NPLOC4: variants seen among roughly 807,000 people sequenced by gnomAD.
NPLOC4 encodes the protein nuclear protein localization protein 4 homolog.
In NPLOC4, 18 loss-of-function variants were observed where a neutral mutation model predicts 80.6. The observed-to-expected ratio is 0.22, with a 90% CI of 0.15 to 0.33. The LOEUF (loss-of-function observed/expected upper bound fraction) is 0.33. NPLOC4 is among the 10% of genes least tolerant of loss of function. The pLI, the probability that NPLOC4 is intolerant of heterozygous loss-of-function variation, is 1.00. For missense variants in NPLOC4, 540 were observed against 786.1 expected (o/e 0.69, Z 3.74); for synonymous variants, 313 against 301.5 (o/e 1.04, Z -0.39).
intron 4 of NPLOC4, 136 bp downstream of exon 4, chr17:81,613,182 C>G (rs2035389896): frequency 1.6e-6 from 1 of 643,516 alleles, no homozygotes; most frequent in Non-Finnish European, 2.3e-6. Flanking sequence ...GAAGTTTAAT[C>G]TGAAGATAGT....
chr17:81,569,820 T>C (rs761059032), intron 13 of NPLOC4, among the ~76,000 whole-genome samples: 18 of 152,152 alleles, frequency 1.2e-4, no homozygotes, highest in Non-Finnish European at 2.1e-4. Context: ...ACCTAAGATA[T>C]AATCAATAGA....
chr17:81,610,122 G>A (rs2035303914), intron 5 of NPLOC4, 88 bp downstream of exon 5: 2 of 1,212,404 alleles, frequency 1.6e-6, no homozygotes, highest in African/African-American at 1.5e-5. Context: ...CTACAGCCAA[G>A]TGCGTGGACT....
At chr17:81,589,845 T>C (rs1466319293) in intron 11 of NPLOC4, among the ~76,000 whole-genome samples, 4 of 124,656 alleles carry the variant, frequency 3.2e-5, no homozygotes, top group South Asian at 5.0e-4. Flanking sequence ...AATAAATCAA[T>C]CAATCAAAAA....
At chr17:81,622,374 A>G in intron 2 of NPLOC4, 96 bp from the exon 3 acceptor site, 5 of 932,876 alleles carry the variant, frequency 5.4e-6, no homozygotes, top group South Asian at 1.4e-5. Flanking sequence ...GTATTCACCA[A>G]ATTTGGAAAG....
chr17:81,571,516 C>T (rs1336275963), intron 13 of NPLOC4, among the ~76,000 whole-genome samples: 1 of 152,202 alleles, frequency 6.6e-6, no homozygotes, highest in Non-Finnish European at 1.5e-5. Context: ...ACAGGTGTGT[C>T]CCCTGGGGAC....
chr17:81,623,282 C>A (rs765447643), intron 2 of NPLOC4, among the ~76,000 whole-genome samples: 1 of 145,396 alleles, frequency 6.9e-6, no homozygotes, highest in African/African-American at 2.6e-5. Flanking sequence ...CCAGCCTGGT[C>A]AACATAGTGA....
At chr17:81,623,520 C>T (rs1304684606) in intron 2 of NPLOC4, among the ~76,000 whole-genome samples, 2 of 150,354 alleles carry the variant, frequency 1.3e-5, no homozygotes, top group Non-Finnish European at 2.9e-5. Flanking sequence ...AAAACCCGGC[C>T]GGGCGCGGTG....
chr17:81,559,352 C>G lies in NPLOC4; in HGVS notation c.1734G>C (p.Thr578=). 1 of 1,607,754 alleles carries G rather than the reference C, an allele frequency of 6.2e-7. No individual in the cohort carries two copies. The highest frequency in any genetic ancestry group is 1.7e-4 in the Middle Eastern group (1 of 6,006). ...GACAGGCCCACATGGCTGCAGTGGCCGTGTGTGTGGAGCCCCCGACGGCGC... is the reference window on the plus strand; with the variant it reads ...GACAGGCCCACATGGCTGCAGTGGCGGTGTGTGTGGAGCCCCCGACGGCGC... The part of the protein sequence containing the change: ...EYGAVGGSTH[T]ATAAMWACQH... The change falls in exon 17 of 17, where the codon ACG becomes ACC. Residue 578 remains threonine (T), a synonymous_variant. Coordinates refer to ENST00000331134, the MANE Select transcript of NPLOC4 (RefSeq NM_017921.4).
In NPLOC4 at chr17:81,577,817, A is replaced by G. The variant is rs7406859; in HGVS notation, c.1282-5729T>C. ...CTCTCTGCACACCTGCCAGGCCTCC[A>G]AACCTCTCAGTCCCAGCACACCATC... On this transcript the variant is annotated intron_variant, in intron 12 of 16. Coordinates refer to ENST00000331134, the MANE Select transcript of NPLOC4 (RefSeq NM_017921.4). The surrounding 1 kb of genome is among the most constrained non-coding windows in gnomAD (Gnocchi z 4.3). 0.15 allele frequency among the ~76,000 whole-genome samples: 22,628 copies of G among 152,146 alleles called. 2,032 individuals are homozygous for G. Among genetic ancestry groups the G allele is most frequent in the Admixed American group, 0.23 (3,571 of 15,286 alleles).
chr17:81,595,525 T>C (rs1221104945), intron 11 of NPLOC4, among the ~76,000 whole-genome samples: 3 of 94,808 alleles, frequency 3.2e-5, no homozygotes, highest in Non-Finnish European at 5.1e-5. Flanking sequence ...CATATACATA[T>C]ATATATATAT....
At chr17:81,635,964 G>A (rs2036058873) in intron 1 of NPLOC4, among the ~76,000 whole-genome samples, 1 of 151,602 alleles carries the variant, frequency 6.6e-6, no homozygotes, top group Non-Finnish European at 1.5e-5. Context: ...TTAAGGAGGA[G>A]TGTGTGACAA....
intron 1 of NPLOC4, among the ~76,000 whole-genome samples, chr17:81,630,878 A>G (rs912858007): frequency 3.3e-5 from 5 of 152,246 alleles, no homozygotes; most frequent in Non-Finnish European, 5.9e-5. Flanking sequence ...CCCTGTCTCA[A>G]AAAAAGAGAT....
intron 12 of NPLOC4, among the ~76,000 whole-genome samples, chr17:81,581,915 C>T (rs568456747): frequency 4.5e-4 from 69 of 152,310 alleles, no homozygotes; most frequent in African/African-American, 1.6e-3. Flanking sequence ...CTAGTAGCCT[C>T]GCTATGCCCT....
At position 81,604,593 on chromosome 17, in the gene NPLOC4, G is replaced by C. The variant is rs370510838; in HGVS notation, c.789C>G (p.Pro263=). The change falls in exon 8 of 17, where the codon CCC becomes CCG. Residue 263 remains proline, a synonymous_variant. Coordinates refer to ENST00000331134, the MANE Select transcript of NPLOC4 (RefSeq NM_017921.4). ...CAGCCACTTCAGCCCTGATGCCAAG[G>C]GGAATGTCTTTGTGCTCCGTGTACC... The part of the protein sequence containing the change: ...YGRYTEHKDI[P]LGIRAEVAAI... 9 of 1,613,662 alleles carry C rather than the reference G, an allele frequency of 5.6e-6. No homozygotes were observed. Among genetic ancestry groups the C allele is most frequent in the East Asian group, 2.2e-5 (1 of 44,874 alleles).
At chr17:81,561,477 C>T (rs1381197435) in intron 16 of NPLOC4, among the ~76,000 whole-genome samples, 1 of 152,188 alleles carries the variant, frequency 6.6e-6, no homozygotes, top group African/African-American at 2.4e-5. Context: ...TATCAATTTA[C>T]CTATTTTTAT....
chr17:81,575,648 ACACTACGTGCGCAGGCTCCCCG>A (rs1449039026), intron 12 of NPLOC4, among the ~76,000 whole-genome samples: 1 of 152,064 alleles, frequency 6.6e-6, no homozygotes, highest in Non-Finnish European at 1.5e-5. Flanking sequence ...TGGGCCCCCC[ACACTACGTGCGCAGGCTCCCCG>A]CCTCCCAAGT....
chr17:81,595,584 A>T (rs992497334), intron 11 of NPLOC4, among the ~76,000 whole-genome samples: 1 of 148,088 alleles, frequency 6.8e-6, no homozygotes, highest in Non-Finnish European at 1.5e-5. Flanking sequence ...TCACCCTGTC[A>T]CCCAGGCTGG....
intron 3 of NPLOC4, among the ~76,000 whole-genome samples, chr17:81,616,106 C>T (rs551843896): frequency 4.0e-5 from 6 of 151,628 alleles, no homozygotes; most frequent in African/African-American, 1.5e-4. Context: ...ATCACGAGGT[C>T]AAGAGATTGA....
At chr17:81,604,353 C>T (rs1286963296) in intron 8 of NPLOC4, among the ~76,000 whole-genome samples, 195 bp downstream of exon 8, 1 of 152,026 alleles carries the variant, frequency 6.6e-6, no homozygotes, top group African/African-American at 2.4e-5. Flanking sequence ...TATCCTTATC[C>T]TTAGTAACAT....
Sources: gnomAD v4.1 joint callset for allele counts (sites outside exome capture counted in the v4.1 genomes callset) on GRCh38, gnomAD v4.1.1 for gene constraint, Gnocchi (gnomAD v3.1) non-coding constraint, MANE v1.5 for transcripts, NCBI Gene and HGNC (gene_info 2026-07-23, HGNC 2026-07-21) for gene names.